The following HTR1F variants were observed in gnomAD, a reference collection of about 807,000 sequenced individuals.
The protein encoded by HTR1F is 5-hydroxytryptamine receptor 1F.
HTR1F carries 17 observed loss-of-function variants against 24.0 expected under a neutral mutation model. That is an observed-to-expected ratio of 0.71 (90% CI 0.48 to 1.06). The LOEUF is 1.06. Among genes scored for constraint, HTR1F ranks in the 50% least tolerant of loss-of-function variants. HTR1F has a pLI of 0.00. For missense variants in HTR1F, 391 were observed against 427.8 expected (o/e 0.91, Z 0.76); for synonymous variants, 186 against 156.8 (o/e 1.19, Z -1.39).
At position 87,952,225 on chromosome 3, in the gene HTR1F, C is replaced by G. The variant is rs527413553; in HGVS notation, c.-42-38483C>G. On this transcript the variant is annotated intron_variant, in intron 2 of 2. Coordinates refer to ENST00000319595, the MANE Select transcript of HTR1F (RefSeq NM_001322209.2). ...AACATGTTTATATTTTACTAACTTGCAACAACAAAATGTAACTATTTTAAA... is the reference window on the plus strand; with the variant it reads ...AACATGTTTATATTTTACTAACTTGGAACAACAAAATGTAACTATTTTAAA... 1.2e-4 allele frequency among the ~76,000 whole-genome samples: 18 copies of G among 152,118 alleles called. No homozygotes were observed. In the South Asian group the frequency reaches 3.5e-3, roughly 30 times the overall value.
At chr3:87,895,423 A>T (rs766949027) in intron 2 of HTR1F, among the ~76,000 whole-genome samples, 1 of 152,144 alleles carries the variant, frequency 6.6e-6, no homozygotes, top group African/African-American at 2.4e-5. Flanking sequence ...ATATATACAC[A>T]CATATTATTT....
chr3:87,925,590 A>T (rs1163412553), intron 2 of HTR1F, among the ~76,000 whole-genome samples: 1 of 152,138 alleles, frequency 6.6e-6, no homozygotes, highest in Non-Finnish European at 1.5e-5. Flanking sequence ...GCCCCATAAC[A>T]GTGTCTCTGT....
At chr3:87,973,536 G>A (rs1705331393) in intron 2 of HTR1F, among the ~76,000 whole-genome samples, 1 of 152,076 alleles carries the variant, frequency 6.6e-6, no homozygotes, top group South Asian at 2.1e-4. Context: ...GCATAATAAT[G>A]GCTTTTAAAA....
chr3:87,956,024 T>C (rs1280241578), intron 2 of HTR1F, among the ~76,000 whole-genome samples: 1 of 151,426 alleles, frequency 6.6e-6, no homozygotes, highest in Non-Finnish European at 1.5e-5. Context: ...TTTTTAACAG[T>C]TTTTTAGAAA....
chr3:87,826,367 A>G (rs1392869475), intron 2 of HTR1F, among the ~76,000 whole-genome samples: 1 of 152,238 alleles, frequency 6.6e-6, no homozygotes, highest in Non-Finnish European at 1.5e-5. Context: ...AGTTACAAGC[A>G]AAAATAAATA....
At chr3:87,912,630 A>C (rs966153143) in intron 2 of HTR1F, among the ~76,000 whole-genome samples, 8 of 90,468 alleles carry the variant, frequency 8.8e-5, no homozygotes, top group Non-Finnish European at 1.7e-4. Context: ...AGGCAATCCT[A>C]GGCAAAAAAA....
At chr3:87,882,816 T>A (rs1208668953) in intron 2 of HTR1F, among the ~76,000 whole-genome samples, 1 of 152,004 alleles carries the variant, frequency 6.6e-6, no homozygotes, top group African/African-American at 2.4e-5. Context: ...GTAACTAACC[T>A]GCACATTGTG....
chr3:87,845,294 T>C lies in HTR1F; in HGVS notation c.-43+23170T>C, dbSNP rs1003702842. Among the ~76,000 whole-genome samples, 34 of 151,892 alleles carry C rather than the reference T, an allele frequency of 2.2e-4. 1 individual carries two copies. Among genetic ancestry groups the C allele is most frequent in the African/African-American group, 7.3e-4 (30 of 41,160 alleles). ...ATTAGGAAAAGAGGAAGTCAAATTG[T>C]ACCTGTTTGCAGATGACATGATTGT... On this transcript the variant is annotated intron_variant, in intron 2 of 2. Coordinates refer to ENST00000319595, the MANE Select transcript of HTR1F (RefSeq NM_001322209.2).
chr3:87,942,217 C>A (rs1704585363), intron 2 of HTR1F, among the ~76,000 whole-genome samples: 1 of 152,038 alleles, frequency 6.6e-6, no homozygotes, highest in Non-Finnish European at 1.5e-5. Flanking sequence ...GGCTTTCAGG[C>A]ATAATTAGAA....
intron 1 of HTR1F, among the ~76,000 whole-genome samples, chr3:87,815,820 T>C (rs1480629417): frequency 6.6e-6 from 1 of 152,098 alleles, no homozygotes; most frequent in Admixed American, 6.5e-5. Context: ...GCATTCCTTC[T>C]AAAAACAAAA....
At chr3:87,971,749 C>T (rs1473183988) in intron 2 of HTR1F, among the ~76,000 whole-genome samples, 1 of 152,078 alleles carries the variant, frequency 6.6e-6, no homozygotes, top group East Asian at 1.9e-4. Context: ...ATTGTTTTTA[C>T]ATAAATAGTA....
intron 2 of HTR1F, among the ~76,000 whole-genome samples, chr3:87,885,404 T>C (rs1208227153): frequency 6.6e-6 from 1 of 152,094 alleles, no homozygotes; most frequent in South Asian, 2.1e-4. Flanking sequence ...AGATCTAAAA[T>C]TGATACCCTA....
intron 2 of HTR1F, among the ~76,000 whole-genome samples, chr3:87,937,659 C>T (rs1420941935): frequency 6.6e-6 from 1 of 152,128 alleles, no homozygotes; most frequent in Non-Finnish European, 1.5e-5. Flanking sequence ...CGCAGTGGCT[C>T]ACGCCTGTAA....
chr3:87,806,802 T>G (rs1226128184), intron 1 of HTR1F, among the ~76,000 whole-genome samples: 1 of 152,120 alleles, frequency 6.6e-6, no homozygotes, highest in African/African-American at 2.4e-5. Context: ...TTAATCCACT[T>G]TGAGTTGATT....
chr3:87,895,257 GTA>G (rs1280789160), intron 2 of HTR1F, among the ~76,000 whole-genome samples: 1 of 151,960 alleles, frequency 6.6e-6, no homozygotes, highest in Non-Finnish European at 1.5e-5. Context: ...GTGTAAATAT[GTA>G]TATATACACT....
intron 2 of HTR1F, among the ~76,000 whole-genome samples, chr3:87,965,908 T>C (rs1236548198): frequency 6.6e-6 from 1 of 152,192 alleles, no homozygotes; most frequent in Non-Finnish European, 1.5e-5. Flanking sequence ...CTTAGTTCCC[T>C]TGCATCTCAG....
chr3:87,843,326 A>G (rs747818283), intron 2 of HTR1F, among the ~76,000 whole-genome samples: 4 of 151,824 alleles, frequency 2.6e-5, no homozygotes, highest in Non-Finnish European at 4.4e-5. Context: ...GTTATTAAAT[A>G]TTTTATATTT....
chr3:87,910,960 C>A (rs1175177985), intron 2 of HTR1F, among the ~76,000 whole-genome samples: 1 of 151,956 alleles, frequency 6.6e-6, no homozygotes, highest in East Asian at 1.9e-4. Context: ...ATCTCTAGGA[C>A]ACAGCTAAGG....
At chr3:87,877,274 A>C (rs1241865735) in intron 2 of HTR1F, among the ~76,000 whole-genome samples, 1 of 152,138 alleles carries the variant, frequency 6.6e-6, no homozygotes, top group Non-Finnish European at 1.5e-5. Context: ...TTCACTACTT[A>C]GTATAAGGAT....
Sources: allele counts gnomAD v4.1 joint callset (sites outside exome capture counted in the v4.1 genomes callset), GRCh38; gene constraint gnomAD v4.1.1; transcripts MANE v1.5; gene names NCBI Gene and HGNC (gene_info 2026-07-23, HGNC 2026-07-21).